TRPM2: variants seen among roughly 807,000 people sequenced by gnomAD.
TRPM2 encodes estrogen-responsive element-associated gene 1 protein.
Under a neutral mutation model 174.0 loss-of-function variants are expected in TRPM2, and 161 were observed. That is an observed-to-expected ratio of 0.93 (90% CI 0.81 to 1.05). The LOEUF is 1.05. TRPM2 is among the 50% of genes least tolerant of loss of function. The probability of loss-of-function intolerance (pLI) is 0.00; values close to 1 mark genes in which losing one functional copy is unlikely to be tolerated. For missense variants in TRPM2, 2,057 were observed against 2,038.0 expected (o/e 1.01, Z -0.18); for synonymous variants, 954 against 861.3 (o/e 1.11, Z -1.88).
chr21:44,391,187 A>G lies in TRPM2; in HGVS notation c.1441-85A>G. 1 of 1,525,110 alleles carries G rather than the reference A, an allele frequency of 6.6e-7. No homozygotes were observed. The highest frequency in any genetic ancestry group is 8.9e-7 in the Non-Finnish European group (1 of 1,118,512). The allele number at this position is 1,525,110 out of a possible 1,614,324, so 94.5% of individuals were successfully genotyped here. A position where few individuals can be genotyped will look rare whatever the true frequency, so the allele number is the denominator to read the frequency against. The stretch of plus-strand genomic sequence containing the variant: ...TCCTCCCCAGGTTGGGGACAACAGC[A>G]GCCCCCATCTCCAGGGTCTTTGAGA... On this transcript the variant is annotated intron_variant, in intron 10 of 31. Coordinates refer to ENST00000397928, the MANE Select transcript of TRPM2 (RefSeq NM_003307.4). This position sits in a 1 kb window ranked among gnomAD's most constrained non-coding sequence, Gnocchi z 5.0.
Position 44,354,052 on chromosome 21 carries a change from T to C in TRPM2, c.165+187T>C, listed in dbSNP as rs2047987298. 6.6e-6 allele frequency among the ~76,000 whole-genome samples: 1 copy of C among 152,196 alleles called. No homozygotes were observed. The highest frequency in any genetic ancestry group is 2.4e-5 in the African/African-American group (1 of 41,432). On this transcript the variant is annotated intron_variant, in intron 1 of 31. Transcript: ENST00000397928. This position sits in a 1 kb window ranked among gnomAD's most constrained non-coding sequence, Gnocchi z 4.3. ...GATGCGTGTCTCGTCTTCTGTGGGT[T>C]GCATGACCATTTCCCATGGTTGGTC...
chr21:44,439,976 T>C lies in TRPM2; in HGVS notation c.4269+808T>C, dbSNP rs1286889835. 2.0e-5 allele frequency among the ~76,000 whole-genome samples: 3 copies of C among 151,488 alleles called. No individual in the cohort carries two copies. Among genetic ancestry groups the C allele is most frequent in the Admixed American group, 6.6e-5 (1 of 15,232 alleles). On this transcript the variant is annotated intron_variant, in intron 30 of 31. Transcript: ENST00000397928. The surrounding 1 kb of genome is among the most constrained non-coding windows in gnomAD (Gnocchi z 5.1). The stretch of plus-strand genomic sequence containing the variant: ...CTCAAGCGATCTGCCCACCTCAGCC[T>C]CCCAAAGTGCTGGGATTACAGGTGT...
At chr21:44,433,422 A>C (rs1447120024) in intron 27 of TRPM2, among the ~76,000 whole-genome samples, 1 of 152,232 alleles carries the variant, frequency 6.6e-6, no homozygotes, top group African/African-American at 2.4e-5. Flanking sequence ...TCTGGAGCTC[A>C]GTGCAGCTCT....
chr21:44,417,607 AC>A (rs1388535837), intron 20 of TRPM2, among the ~76,000 whole-genome samples: 1 of 116,424 alleles, frequency 8.6e-6, no homozygotes, highest in Non-Finnish European at 1.8e-5. Context: ...CTGTGGCATC[AC>A]AGTGGGCACG....
At chr21:44,408,709 A>G (rs113262169) in intron 19 of TRPM2, among the ~76,000 whole-genome samples, 1 of 138,946 alleles carries the variant, frequency 7.2e-6, no homozygotes, top group Non-Finnish European at 1.5e-5. Context: ...CCAGGCTGGA[A>G]TGCAGTGGTG....
intron 8 of TRPM2, among the ~76,000 whole-genome samples, chr21:44,381,320 CAG>C (rs1163346684): frequency 1.3e-5 from 2 of 151,826 alleles, no homozygotes; most frequent in East Asian, 1.9e-4. Flanking sequence ...GCCCTGGACA[CAG>C]GGGGAAGGTG....
Position 44,354,541 on chromosome 21 carries a change from C to T in TRPM2, c.166-107C>T. On this transcript the variant is annotated intron_variant, in intron 1 of 31. Transcript: ENST00000397928. The surrounding 1 kb of genome is among the most constrained non-coding windows in gnomAD (Gnocchi z 4.3). ...CAGGGTCGCGCAGGCTTCCTTCCTT[C>T]AAGCAAATAGTGTGAAAGCTCCTCA... 3 of 1,003,994 alleles carry T rather than the reference C, an allele frequency of 3.0e-6. No homozygotes were observed. In the Admixed American group the frequency reaches 5.8e-5, roughly 19 times the overall value. 62.2% of individuals were successfully genotyped at this position (1,003,994 alleles called of 1,614,324 possible).
intron 2 of TRPM2, among the ~76,000 whole-genome samples, chr21:44,356,762 A>G (rs1404200889): frequency 6.6e-6 from 1 of 152,010 alleles, no homozygotes; most frequent in Non-Finnish European, 1.5e-5. Flanking sequence ...TTTTTATGGT[A>G]GTTTTGGATC....
In TRPM2 at chr21:44,353,707, C is replaced by A. The variant is rs200720234; in HGVS notation, c.7C>A (p.Pro3Thr). The change falls in exon 1 of 32, where the codon CCC (proline) becomes ACC (threonine). Residue 3 changes from proline (P) to threonine (T), a missense_variant. By Grantham distance (38) the Pro-to-Thr change is conservative. Transcript: ENST00000397928. ...CTGGCGTGGGGGTCTCAGAATGGAGCCCTCAGCCCTGAGGAAAGCTGGCTC... is the reference window on the plus strand; with the variant it reads ...CTGGCGTGGGGGTCTCAGAATGGAGACCTCAGCCCTGAGGAAAGCTGGCTC... ME[P>T]SALRKAGSEQ... The A allele has an allele frequency of 1.3e-6, 2 of 1,510,814 alleles. No individual in the cohort carries two copies. The highest frequency in any genetic ancestry group is 8.8e-7 in the Non-Finnish European group (1 of 1,133,860). The allele number at this position is 1,510,814 out of a possible 1,614,324, so 93.6% of individuals were successfully genotyped here. A position where few individuals can be genotyped will look rare whatever the true frequency, so the allele number is the denominator to read the frequency against.
chr21:44,364,341 C>T, intron 3 of TRPM2, 59 bp downstream of exon 3: 1 of 1,580,384 alleles, frequency 6.3e-7, no homozygotes, highest in African/African-American at 1.3e-5. Flanking sequence ...CCCACAGTGA[C>T]ACGCGGTGGT....
At chr21:44,362,339 C>T (rs1055564688) in intron 2 of TRPM2, among the ~76,000 whole-genome samples, 3 of 77,630 alleles carry the variant, frequency 3.9e-5, no homozygotes, top group African/African-American at 1.6e-4. Flanking sequence ...CCCGTCTCTA[C>T]TAAAAATACA....
intron 27 of TRPM2, among the ~76,000 whole-genome samples, chr21:44,430,022 T>C (rs1481188504): frequency 6.6e-6 from 1 of 152,340 alleles, no homozygotes; most frequent in East Asian, 1.9e-4. Flanking sequence ...TTGATTGAGA[T>C]AGTTATAAGA....
At chr21:44,378,851 C>T in intron 7 of TRPM2, 146 bp from the exon 8 acceptor site, 1 of 864,670 alleles carries the variant, frequency 1.2e-6, no homozygotes, top group Non-Finnish European at 1.8e-6. Context: ...GCAGGGGACG[C>T]CACGAAACTA....
At position 44,418,053 on chromosome 21, in the gene TRPM2, G is replaced by T; in HGVS notation, c.3273G>T (p.Gln1091His). ...CCTTCATCCTCCTCAGCCACCTGCAGCTCTTCATCAAGAGGGTGGTCCTGA... is the reference window on the plus strand; with the variant it reads ...CCTTCATCCTCCTCAGCCACCTGCATCTCTTCATCAAGAGGGTGGTCCTGA... ...PPPFILLSHL[Q>H]LFIKRVVLKT... Residue 1091 changes from glutamine (Q) to histidine (H), a missense_variant, in exon 21 of 32, where the codon CAG (glutamine) becomes CAT (histidine). Coordinates refer to ENST00000397928, the MANE Select transcript of TRPM2 (RefSeq NM_003307.4). 1.2e-6 allele frequency: 2 copies of T among 1,613,138 alleles called. No homozygotes were observed. Among genetic ancestry groups the T allele is most frequent in the Non-Finnish European group, 8.5e-7 (1 of 1,179,998 alleles).
At chr21:44,417,161 G>T (rs2050321184) in intron 20 of TRPM2, among the ~76,000 whole-genome samples, 1 of 134,908 alleles carries the variant, frequency 7.4e-6, no homozygotes. Context: ...CGTGGGCGTG[G>T]CTCTGCTATC....
rs140546742 is a variant in TRPM2 at position 44,438,977 on chromosome 21, G to A, written c.4168-90G>A. Reference sequence around the variant, plus strand: ...CCAGGGCTGGGCCGCTGCCCACGCCGGGCAGGAGGCCAGTGGAGACGGGTG... The same window carrying A: ...CCAGGGCTGGGCCGCTGCCCACGCCAGGCAGGAGGCCAGTGGAGACGGGTG... On this transcript the variant is annotated intron_variant, in intron 29 of 31. Transcript: ENST00000397928. The surrounding 1 kb of genome is among the most constrained non-coding windows in gnomAD (Gnocchi z 5.9). 1,394 of 1,080,940 alleles carry A rather than the reference G, an allele frequency of 1.3e-3. 18 individuals are homozygous for A. In the African/African-American group the frequency reaches 0.018, roughly 14 times the overall value. The allele number at this position is 1,080,940 out of a possible 1,614,324, so 67.0% of individuals were successfully genotyped here.
At chr21:44,358,011 T>C (rs538184579) in intron 2 of TRPM2, among the ~76,000 whole-genome samples, 1 of 152,326 alleles carries the variant, frequency 6.6e-6, no homozygotes, top group South Asian at 2.1e-4. Flanking sequence ...GTGAGCATCG[T>C]CTGCCACAAA....
Position 44,415,779 on chromosome 21 carries a change from G to A in TRPM2, c.3146+1705G>A, listed in dbSNP as rs145126356. On this transcript the variant is annotated intron_variant, in intron 20 of 31. Coordinates refer to ENST00000397928, the MANE Select transcript of TRPM2 (RefSeq NM_003307.4). ...TTTTGAAACAAGGAGTACAAAATAG[G>A]TGGCTGTCCATCCGGCCCCTGGTGG... is the stretch of plus-strand genomic sequence containing the variant. 57 of 152,264 alleles carry A rather than the reference G, an allele frequency of 3.7e-4. No homozygotes were observed. The East Asian group carries it at 8.7e-3, about 23-fold the overall frequency. The allele number at this position is 152,264 out of a possible 1,614,324, so 9.4% of individuals were successfully genotyped here.
At chr21:44,355,706 T>C (rs1266653574) in intron 2 of TRPM2, among the ~76,000 whole-genome samples, 2 of 152,068 alleles carry the variant, frequency 1.3e-5, no homozygotes, top group African/African-American at 4.8e-5. Context: ...TCATATTTAC[T>C]GAATATGGGG....
Sources: allele counts gnomAD v4.1 joint callset (sites outside exome capture counted in the v4.1 genomes callset), GRCh38; gene constraint gnomAD v4.1.1; non-coding constraint Gnocchi (gnomAD v3.1); transcripts MANE v1.5; gene names NCBI Gene and HGNC (gene_info 2026-07-23, HGNC 2026-07-21).